TNS3: variants seen among roughly 807,000 people sequenced by gnomAD.
TNS3 encodes the protein tensin-3.
A neutral mutation model predicts 140.9 loss-of-function variants in TNS3; 45 were observed. That is an observed-to-expected ratio of 0.32 (90% CI 0.25 to 0.41). The LOEUF is 0.41. Among genes scored for constraint, TNS3 ranks in the 10% least tolerant of loss-of-function variants. The pLI is 1.00. For synonymous variants in TNS3, 815 were observed against 788.4 expected (o/e 1.03, Z -0.56); for missense variants, 1,716 against 1,906.7 (o/e 0.90, Z 1.86).
rs770107569 is a variant in TNS3 at position 47,369,228 on chromosome 7, C to G, written c.1418G>C (p.Arg473Pro). ...HVNGDAALKDRETDILDDEMP... is the reference protein window; with the variant it reads ...HVNGDAALKDPETDILDDEMP... ...CTCGTCATCCAGAATGTCTGTCTCCCGATCCTTCAGAGCAGCGTCTCCATT... is the reference window on the plus strand; with the variant it reads ...CTCGTCATCCAGAATGTCTGTCTCCGGATCCTTCAGAGCAGCGTCTCCATT... Residue 473 changes from arginine to proline, a missense_variant, in exon 17 of 31, where the codon CGG (arginine) becomes CCG (proline). Physicochemically the swap from Arg to Pro is moderately radical, Grantham distance 103. Around this residue, in one of 3 missense-constraint regions of TNS3, gnomAD observed 1,163 missense variants for 1,182.1 expected, o/e 0.98. Transcript: ENST00000311160. 1 of 1,614,182 alleles carries G rather than the reference C, an allele frequency of 6.2e-7. No homozygotes were observed. The highest frequency in any genetic ancestry group is 8.5e-7 in the Non-Finnish European group (1 of 1,180,036).
At chr7:47,441,327 C>T (rs1011996294) in intron 5 of TNS3, among the ~76,000 whole-genome samples, 2 of 152,030 alleles carry the variant, frequency 1.3e-5, no homozygotes, top group African/African-American at 4.8e-5. Flanking sequence ...TACAGGCATG[C>T]GCTATCACAC....
At chr7:47,554,029 G>A (rs71545997) in intron 1 of TNS3, among the ~76,000 whole-genome samples, 3 of 151,226 alleles carry the variant, frequency 2.0e-5, no homozygotes, top group South Asian at 2.1e-4. Flanking sequence ...GGTCTCGAAC[G>A]CCTGACCTCA....
chr7:47,387,118 C>G (rs945964889), intron 16 of TNS3, among the ~76,000 whole-genome samples: 1 of 152,234 alleles, frequency 6.6e-6, no homozygotes, highest in Non-Finnish European at 1.5e-5. Flanking sequence ...TTAAACACAA[C>G]TTTAACTATC....
chr7:47,501,027 G>A (rs947300685), intron 3 of TNS3, among the ~76,000 whole-genome samples: 1 of 152,156 alleles, frequency 6.6e-6, no homozygotes, highest in Non-Finnish European at 1.5e-5. Context: ...GGTGGACGTT[G>A]CTGTGAAAGA....
intron 3 of TNS3, among the ~76,000 whole-genome samples, chr7:47,487,388 T>C (rs1797651817): frequency 2.6e-5 from 4 of 152,126 alleles, no homozygotes; most frequent in Admixed American, 2.6e-4. Context: ...GAGGCTTGGC[T>C]CCTCTAATCG....
Position 47,368,489 on chromosome 7 carries a change from G to A in TNS3, c.2157C>T (p.His719=), listed in dbSNP as rs767882638. 2.5e-6 allele frequency: 4 copies of A among 1,594,866 alleles called. No homozygotes were observed. The highest frequency in any genetic ancestry group is 1.3e-5 in the African/African-American group (1 of 74,694). Residue 719 remains histidine, a synonymous_variant, in exon 17 of 31, where the codon CAC becomes CAT. Transcript: ENST00000311160. ...TGGCCTGGCTACCGAGGGCGTTCAT[G>A]TGGGTAGGGATGGGCTCGAAGGTGG... The part of the protein sequence containing the change: ...LDPTFEPIPT[H]MNALGSQANG...
intron 20 of TNS3, among the ~76,000 whole-genome samples, chr7:47,308,249 G>T (rs1283249166): frequency 6.6e-6 from 1 of 152,146 alleles, no homozygotes; most frequent in Non-Finnish European, 1.5e-5. Flanking sequence ...TCCAAAATCA[G>T]CCAAATGTTA....
At chr7:47,553,484 A>C (rs1256989089) in intron 1 of TNS3, among the ~76,000 whole-genome samples, 1 of 152,226 alleles carries the variant, frequency 6.6e-6, no homozygotes, top group Non-Finnish European at 1.5e-5. Flanking sequence ...GAATTATGCA[A>C]AATCTATCCT....
chr7:47,419,223 T>C (rs2151448982), intron 10 of TNS3, among the ~76,000 whole-genome samples: 1 of 152,320 alleles, frequency 6.6e-6, no homozygotes, highest in African/African-American at 2.4e-5. Context: ...TGCCAGAGTG[T>C]AGGTGGCTTT....
intron 4 of TNS3, among the ~76,000 whole-genome samples, chr7:47,475,264 C>T (rs957236147): frequency 1.3e-5 from 2 of 152,252 alleles, no homozygotes; most frequent in East Asian, 1.9e-4. Context: ...CCACTGGCCT[C>T]GGGTGAGGTG....
chr7:47,322,019 G>T (rs1013986602), intron 20 of TNS3, among the ~76,000 whole-genome samples: 2 of 151,988 alleles, frequency 1.3e-5, no homozygotes, highest in African/African-American at 4.8e-5. Context: ...CTGGAAGGAG[G>T]AGTCTCATTG....
In TNS3 at chr7:47,380,055, T is replaced by C. The variant is rs190912212; in HGVS notation, c.1025-10434A>G. 9.8e-4 allele frequency among the ~76,000 whole-genome samples: 150 copies of C among 152,350 alleles called. 1 individual carries two copies. The East Asian group carries it at 0.014, about 14-fold the overall frequency. On this transcript the variant is annotated intron_variant, in intron 16 of 30. Coordinates refer to ENST00000311160, the MANE Select transcript of TNS3 (RefSeq NM_022748.12). ...CATCCCACTGCAGAGCAGGAGCGACTCAGGAGCTGGGCCAGATTCCAAGCG... is the reference window on the plus strand; with the variant it reads ...CATCCCACTGCAGAGCAGGAGCGACCCAGGAGCTGGGCCAGATTCCAAGCG...
chr7:47,369,605 G>A lies in TNS3; in HGVS notation c.1041C>T (p.Gly347=), dbSNP rs771828562. The A allele has an allele frequency of 1.3e-6, 2 of 1,586,276 alleles. No individual in the cohort carries two copies. The highest frequency in any genetic ancestry group is 1.7e-5 in the Admixed American group (1 of 57,578). The change falls in exon 17 of 31, where the codon GGC becomes GGT. Residue 347 remains glycine (G), a synonymous_variant. Transcript: ENST00000311160. ...TCGCGTAAAGGCTGCCATCGACAGG[G>A]CCCTGCGTGTGTAGCACTGCGGGGG... ...SADGEVLHTQ[G]PVDGSLYAKV...
chr7:47,352,112 C>T (rs1357812082), intron 17 of TNS3, among the ~76,000 whole-genome samples: 1 of 97,838 alleles, frequency 1.0e-5, no homozygotes, highest in Non-Finnish European at 2.4e-5. Context: ...ACTTCACACT[C>T]TTAGTCTCTC....
chr7:47,309,096 A>G (rs1250590132), intron 20 of TNS3, among the ~76,000 whole-genome samples: 3 of 152,192 alleles, frequency 2.0e-5, no homozygotes, highest in Admixed American at 1.3e-4. Context: ...GGACAACTGT[A>G]CTGTCACCAT....
intron 11 of TNS3, among the ~76,000 whole-genome samples, chr7:47,414,845 T>C (rs531760771): frequency 1.1e-4 from 16 of 152,190 alleles, no homozygotes; most frequent in African/African-American, 3.6e-4. Context: ...ACTGTGCATA[T>C]ACACAGGGGT....
At chr7:47,498,497 G>A (rs1798096006) in intron 3 of TNS3, among the ~76,000 whole-genome samples, 1 of 152,140 alleles carries the variant, frequency 6.6e-6, no homozygotes, top group African/African-American at 2.4e-5. Context: ...ATTCATTCCA[G>A]GTATGTGTTG....
chr7:47,275,249 C>T lies in TNS3; in HGVS notation c.*2827G>A, dbSNP rs1231581811. On this transcript the variant is annotated 3_prime_UTR_variant, in exon 31 of 31. Coordinates refer to ENST00000311160, the MANE Select transcript of TNS3 (RefSeq NM_022748.12). ...AAAAGATTTATAGAACATTCATTTA[C>T]ATACTGGATATATTCTTTACAGTAT... is the stretch of plus-strand genomic sequence containing the variant. 2 of 152,642 alleles carry T rather than the reference C, an allele frequency of 1.3e-5. No homozygotes were observed. The highest frequency in any genetic ancestry group is 2.1e-4 in the South Asian group (1 of 4,836). The allele number at this position is 152,642 out of a possible 1,614,324, so 9.5% of individuals were successfully genotyped here.
chr7:47,378,090 G>A (rs896015198), intron 16 of TNS3, among the ~76,000 whole-genome samples: 1 of 152,148 alleles, frequency 6.6e-6, no homozygotes, highest in Admixed American at 6.5e-5. Context: ...GGAGAAGGGG[G>A]TGTTTGCTGA....
Sources: allele counts gnomAD v4.1 joint callset (sites outside exome capture counted in the v4.1 genomes callset), GRCh38; gene constraint gnomAD v4.1.1; regional missense constraint gnomAD v4.1.1; transcripts MANE v1.5; gene names NCBI Gene and HGNC (gene_info 2026-07-23, HGNC 2026-07-21).